PCP4L1: variants seen among roughly 807,000 people sequenced by gnomAD.
The protein encoded by PCP4L1 is Purkinje cell protein 4 like 1.
Under a neutral mutation model 9.6 loss-of-function variants are expected in PCP4L1, and 9 were observed. That is an observed-to-expected ratio of 0.94 (90% confidence interval 0.57 to 1.64). The LOEUF (loss-of-function observed/expected upper bound fraction) is 1.64, where lower values mean the gene tolerates loss of function less well. Ranked by LOEUF, PCP4L1 falls within the 40% of genes most tolerant of loss-of-function variation. The pLI is 0.00. For missense variants in PCP4L1, 81 were observed against 80.8 expected, an observed-to-expected ratio of 1.00 and a Z score of -0.01; for synonymous variants, 31 against 28.2, an observed-to-expected ratio of 1.10 and a Z score of -0.31.
At chr1:161,277,534 T>C (rs1406806516) in intron 1 of PCP4L1, among the ~76,000 whole-genome samples, 2 of 152,234 alleles carry the variant, frequency 1.3e-5, no homozygotes, top group Non-Finnish European at 2.9e-5. Context: ...TAATAAACAA[T>C]ACATATTATT....
chr1:161,283,682 A>C lies in PCP4L1; in HGVS notation c.24A>C (p.Thr8=). 1 of 1,603,398 alleles carries C rather than the reference A, an allele frequency of 6.2e-7. No individual in the cohort carries two copies. Among genetic ancestry groups the C allele is most frequent in the East Asian group, 2.2e-5 (1 of 44,666 alleles). ...ATTTTTTCCAGCTTAATACCAAAACATCCCCAGCAACCAACCAGGCAGCTG... is the reference window on the plus strand; with the variant it reads ...ATTTTTTCCAGCTTAATACCAAAACCTCCCCAGCAACCAACCAGGCAGCTG... The part of the protein sequence containing the change: MSELNTK[T]SPATNQAAGQ... Residue 8 remains threonine (T), a synonymous_variant, in exon 2 of 3, where the codon ACA becomes ACC. Coordinates refer to ENST00000504449, the MANE Select transcript of PCP4L1 (RefSeq NM_001102566.2).
At chr1:161,266,676 T>C (rs1274529666) in intron 1 of PCP4L1, among the ~76,000 whole-genome samples, 1 of 152,126 alleles carries the variant, frequency 6.6e-6, no homozygotes, top group Non-Finnish European at 1.5e-5. Context: ...ATCTGAGATA[T>C]AGGGCATTGG....
chr1:161,278,348 G>A (rs1484235781), intron 1 of PCP4L1, among the ~76,000 whole-genome samples: 1 of 151,962 alleles, frequency 6.6e-6, no homozygotes, highest in African/African-American at 2.4e-5. Context: ...TTGTACCATT[G>A]CAAGACTCTC....
intron 1 of PCP4L1, among the ~76,000 whole-genome samples, chr1:161,265,099 A>G (rs1311175005): frequency 1.3e-5 from 2 of 152,286 alleles, no homozygotes; most frequent in South Asian, 4.1e-4. Context: ...TTCAATGTTC[A>G]TCATTGATTC....
Position 161,284,855 on chromosome 1 carries a change from AT to A in PCP4L1, c.*375del, listed in dbSNP as rs1669882201. The A allele has an allele frequency of 1.3e-5, 3 of 233,228 alleles. No individual in the cohort carries two copies. The South Asian group carries it at 2.6e-4, about 20-fold the overall frequency. 14.4% of individuals were successfully genotyped at this position (233,228 alleles called of 1,614,324 possible). A position where few individuals can be genotyped will look rare whatever the true frequency, so the allele number is the denominator to read the frequency against. On this transcript the variant is annotated 3_prime_UTR_variant, in exon 3 of 3. Coordinates refer to ENST00000504449, the MANE Select transcript of PCP4L1 (RefSeq NM_001102566.2). ...AGTAGGGTGCCTGAGGGTGGGACAT[AT>A]GCACTGTTCTGCTAGTTACGGCATT... is the stretch of plus-strand genomic sequence containing the variant.
chr1:161,262,448 A>AAAAAG (rs1669434090), intron 1 of PCP4L1, among the ~76,000 whole-genome samples: 1 of 149,206 alleles, frequency 6.7e-6, no homozygotes, highest in Non-Finnish European at 1.5e-5. Flanking sequence ...AAAAAAAAAA[A>AAAAAG]AAAAAAAAGA....
intron 1 of PCP4L1, among the ~76,000 whole-genome samples, chr1:161,271,194 G>T (rs981719159): frequency 2.6e-5 from 4 of 152,180 alleles, no homozygotes; most frequent in Admixed American, 6.5e-5. Context: ...GAGAGTTCCA[G>T]TTGCTCTGTA....
In PCP4L1 at chr1:161,285,092, A is replaced by G. The variant is rs1273832680; in HGVS notation, c.*611A>G. On this transcript the variant is annotated 3_prime_UTR_variant, in exon 3 of 3. Transcript: ENST00000504449. ...CTGGTGTCAAGGAAAAGCCTCCCTC[A>G]TCATCTAGTCTAAGACCATAACGGG... The G allele has an allele frequency of 6.5e-6, 1 of 153,174 alleles. No individual in the cohort carries two copies. The highest frequency in any genetic ancestry group is 2.4e-5 in the African/African-American group (1 of 41,442). 9.5% of individuals were successfully genotyped at this position (153,174 alleles called of 1,614,324 possible).
At chr1:161,267,390 C>A (rs539570307) in intron 1 of PCP4L1, among the ~76,000 whole-genome samples, 2 of 152,306 alleles carry the variant, frequency 1.3e-5, no homozygotes, top group African/African-American at 4.8e-5. Flanking sequence ...CTGTTGACAG[C>A]CTGTGATCTC....
At chr1:161,266,681 C>T (rs1285585020) in intron 1 of PCP4L1, among the ~76,000 whole-genome samples, 2 of 152,044 alleles carry the variant, frequency 1.3e-5, no homozygotes, top group Non-Finnish European at 2.9e-5. Flanking sequence ...AGATATAGGG[C>T]ATTGGGGGAA....
At chr1:161,275,732 A>G (rs1421952180) in intron 1 of PCP4L1, among the ~76,000 whole-genome samples, 1 of 151,604 alleles carries the variant, frequency 6.6e-6, no homozygotes, top group Non-Finnish European at 1.5e-5. Flanking sequence ...CTCTTAACCT[A>G]TGATCCTCTT....
chr1:161,262,036 G>A (rs1669425855), intron 1 of PCP4L1, among the ~76,000 whole-genome samples: 1 of 152,178 alleles, frequency 6.6e-6, no homozygotes, highest in African/African-American at 2.4e-5. Context: ...AACCTGGTGT[G>A]GACTTGGAGG....
chr1:161,281,497 G>A lies in PCP4L1; in HGVS notation c.10-2171G>A, dbSNP rs368024613. ...CCCCCACCTCCCTCCCGGACTGGGC[G>A]GCTGGCCGGGCGGGGGCTGACCCCC... On this transcript the variant is annotated intron_variant, in intron 1 of 2. Coordinates refer to ENST00000504449, the MANE Select transcript of PCP4L1 (RefSeq NM_001102566.2). Among the ~76,000 whole-genome samples the A allele has an allele frequency of 6.6e-4, 99 of 149,774 alleles. 1 individual carries two copies. In the East Asian group the frequency reaches 0.017, roughly 26 times the overall value.
chr1:161,279,754 G>A lies in PCP4L1; in HGVS notation c.10-3914G>A, dbSNP rs570636143. On this transcript the variant is annotated intron_variant, in intron 1 of 2. Transcript: ENST00000504449. Reference sequence around the variant, plus strand: ...AAGTACCAAGTGCAGGAATGATTCTGTCTCCAGATGAACCATACCTTGAGA... The same window carrying A: ...AAGTACCAAGTGCAGGAATGATTCTATCTCCAGATGAACCATACCTTGAGA... Among the ~76,000 whole-genome samples, 99 of 152,334 alleles carry A rather than the reference G, an allele frequency of 6.5e-4. 2 individuals carry two copies. The South Asian group carries it at 0.02, about 31-fold the overall frequency.
intron 1 of PCP4L1, among the ~76,000 whole-genome samples, chr1:161,271,218 A>G (rs1359965387): frequency 6.6e-6 from 1 of 152,180 alleles, no homozygotes; most frequent in East Asian, 1.9e-4. Flanking sequence ...TTGCCTCTAC[A>G]TTGTATTGCC....
chr1:161,264,930 A>G (rs1263669841), intron 1 of PCP4L1, among the ~76,000 whole-genome samples: 1 of 152,240 alleles, frequency 6.6e-6, no homozygotes, highest in Non-Finnish European at 1.5e-5. Context: ...TCAACAGGGT[A>G]CATTCTGGTA....
intron 1 of PCP4L1, among the ~76,000 whole-genome samples, chr1:161,275,370 G>T (rs1440548885): frequency 2.0e-5 from 3 of 151,966 alleles, no homozygotes; most frequent in Non-Finnish European, 2.9e-5. Flanking sequence ...CAAAAAATCA[G>T]CCAGGTGTGG....
At chr1:161,283,930 T>C (rs914499009) in intron 2 of PCP4L1, among the ~76,000 whole-genome samples, 3 of 152,174 alleles carry the variant, frequency 2.0e-5, no homozygotes, top group Admixed American at 2.0e-4. Context: ...TATTTCCTCC[T>C]TGATTTTAGA....
At chr1:161,270,933 A>T (rs1325517918) in intron 1 of PCP4L1, among the ~76,000 whole-genome samples, 1 of 151,846 alleles carries the variant, frequency 6.6e-6, no homozygotes, top group Non-Finnish European at 1.5e-5. Flanking sequence ...CCATGTGAGG[A>T]TATAGCAAAA....
Sources: gnomAD v4.1 joint callset for allele counts (sites outside exome capture counted in the v4.1 genomes callset) on GRCh38, gnomAD v4.1.1 for gene constraint, MANE v1.5 for transcripts, NCBI Gene and HGNC (gene_info 2026-07-23, HGNC 2026-07-21) for gene names.